The following PDE4B variants were observed in gnomAD, a reference collection of about 807,000 sequenced individuals.
The protein encoded by PDE4B is 3',5'-cyclic-AMP phosphodiesterase 4B.
PDE4B carries 20 observed loss-of-function variants against 82.2 expected under a neutral mutation model. That is an observed-to-expected ratio of 0.24 (90% confidence interval 0.17 to 0.35). The LOEUF (loss-of-function observed/expected upper bound fraction) is 0.35. Among genes scored for constraint, PDE4B ranks in the 10% least tolerant of loss-of-function variants. The pLI is 1.00. For synonymous variants in PDE4B, 320 were observed against 318.9 expected (o/e 1.00, Z -0.04); for missense variants, 655 against 907.2 (o/e 0.72, Z 3.57).
intron 7 of PDE4B, among the ~76,000 whole-genome samples, chr1:66,319,557 T>C (rs1027145374): frequency 2.6e-5 from 4 of 152,216 alleles, no homozygotes; most frequent in African/African-American, 9.6e-5. Context: ...TTCTTAAAGA[T>C]TGTATTGTAT....
intron 3 of PDE4B, among the ~76,000 whole-genome samples, chr1:66,202,135 G>C (rs1018628947): frequency 4.6e-5 from 7 of 152,166 alleles, no homozygotes; most frequent in African/African-American, 1.4e-4. Flanking sequence ...AGGTTGTTCA[G>C]TTTCCATGTA....
At chr1:66,224,182 A>G (rs1041039310) in intron 3 of PDE4B, among the ~76,000 whole-genome samples, 1 of 152,020 alleles carries the variant, frequency 6.6e-6, no homozygotes, top group African/African-American at 2.4e-5. Context: ...TTTCTACTCC[A>G]TTACGACTTC....
chr1:66,002,171 C>T (rs988865792), intron 3 of PDE4B, among the ~76,000 whole-genome samples: 4 of 151,838 alleles, frequency 2.6e-5, no homozygotes, highest in African/African-American at 7.2e-5. Context: ...TTTAAATTTT[C>T]GTCATTCTAA....
chr1:65,984,813 C>T lies in PDE4B; in HGVS notation c.281+65978C>T, dbSNP rs568584847. Among the ~76,000 whole-genome samples the T allele has an allele frequency of 4.6e-5, 7 of 152,182 alleles. No individual in the cohort carries two copies. The South Asian group carries it at 1.5e-3, about 32-fold the overall frequency. On this transcript the variant is annotated intron_variant, in intron 3 of 16. Coordinates refer to ENST00000341517, the MANE Select transcript of PDE4B (RefSeq NM_002600.4). ...TTATCTTTAAAAGTCTTTGCTAAAA[C>T]TCTCAGCATGCTTACATATCAAATG... is the stretch of plus-strand genomic sequence containing the variant.
intron 1 of PDE4B, among the ~76,000 whole-genome samples, chr1:65,838,085 G>T (rs947174587): frequency 6.6e-6 from 1 of 152,094 alleles, no homozygotes; most frequent in Non-Finnish European, 1.5e-5. Context: ...ATAGCTAGCT[G>T]GGTAGTACAC....
chr1:66,319,029 C>T (rs999160416), intron 7 of PDE4B, among the ~76,000 whole-genome samples: 2 of 152,174 alleles, frequency 1.3e-5, no homozygotes, highest in Admixed American at 1.3e-4. Context: ...AATCAGTAAA[C>T]TTGAAAGCGC....
At chr1:66,102,706 G>T (rs1303316303) in intron 3 of PDE4B, among the ~76,000 whole-genome samples, 1 of 151,990 alleles carries the variant, frequency 6.6e-6, no homozygotes, top group Non-Finnish European at 1.5e-5. Context: ...TAAGGGATCT[G>T]CAAGATCCTT....
chr1:66,093,591 A>G (rs1315995643), intron 3 of PDE4B, among the ~76,000 whole-genome samples: 3 of 152,086 alleles, frequency 2.0e-5, no homozygotes, highest in Non-Finnish European at 4.4e-5. Flanking sequence ...AGAGAGGAAG[A>G]TATTTATCCC....
rs116312841 is a variant in PDE4B, at chr1:66,368,794, G to A, written c.1670G>A (p.Arg557His). 7 of 1,525,276 alleles carry A rather than the reference G, an allele frequency of 4.6e-6. No individual in the cohort carries two copies. Among genetic ancestry groups the A allele is most frequent in the South Asian group, 2.6e-5 (2 of 78,030 alleles). The allele number at this position is 1,525,276 out of a possible 1,614,324, so 94.5% of individuals were successfully genotyped here. A position where few individuals can be genotyped will look rare whatever the true frequency, so the allele number is the denominator to read the frequency against. The change falls in exon 16 of 17, where the codon CGC becomes CAC. Residue 557 changes from arginine to histidine, a missense_variant. By Grantham distance (29) the Arg-to-His change is conservative. Around this residue, in one of 3 missense-constraint regions of PDE4B, gnomAD observed 283 missense variants for 516.4 expected, o/e 0.55. Transcript: ENST00000341517. Reference protein sequence around the residue: ...DNYTDRIQVLRNMVHCADLSN... With the variant: ...DNYTDRIQVLHNMVHCADLSN... ...AAAACTTGATGATTTCAGGTCCTTC[G>A]CAACATGGTACACTGTGCAGACCTG...
chr1:66,055,376 TAG>T (rs1655242953), intron 3 of PDE4B, among the ~76,000 whole-genome samples: 1 of 152,260 alleles, frequency 6.6e-6, no homozygotes, highest in African/African-American at 2.4e-5. Context: ...ACTTACCATG[TAG>T]AGTTGTTGTA....
intron 3 of PDE4B, among the ~76,000 whole-genome samples, chr1:65,942,686 A>C (rs971591988): frequency 2.0e-5 from 3 of 151,814 alleles, no homozygotes; most frequent in African/African-American, 7.2e-5. Context: ...CCTCTTCAAC[A>C]CTTATCTTTC....
At chr1:65,995,383 AT>A (rs1557484365) in intron 3 of PDE4B, among the ~76,000 whole-genome samples, 1 of 152,188 alleles carries the variant, frequency 6.6e-6, no homozygotes, top group Non-Finnish European at 1.5e-5. Context: ...TATCTTACAT[AT>A]TTTTATGACT....
chr1:66,027,975 G>A (rs573620113), intron 3 of PDE4B, among the ~76,000 whole-genome samples: 1 of 152,188 alleles, frequency 6.6e-6, no homozygotes, highest in African/African-American at 2.4e-5. Context: ...TACCATTCTA[G>A]TGTCTGGAGG....
intron 1 of PDE4B, among the ~76,000 whole-genome samples, chr1:65,797,132 T>A (rs984977865): frequency 2.0e-5 from 3 of 151,772 alleles, no homozygotes; most frequent in African/African-American, 7.3e-5. Flanking sequence ...TTTTTGTATT[T>A]TTTAGTAGAG....
chr1:66,178,595 TC>T (rs1273818926), intron 3 of PDE4B, among the ~76,000 whole-genome samples: 1 of 152,238 alleles, frequency 6.6e-6, no homozygotes, highest in East Asian at 1.9e-4. Context: ...GATATTTATT[TC>T]CCAATTTATC....
chr1:66,024,901 A>G (rs1570012540), intron 3 of PDE4B, among the ~76,000 whole-genome samples: 1 of 152,034 alleles, frequency 6.6e-6, no homozygotes, highest in Non-Finnish European at 1.5e-5. Context: ...ATATTTATAT[A>G]TTTATTTTCA....
intron 7 of PDE4B, among the ~76,000 whole-genome samples, chr1:66,278,265 T>A (rs530398115): frequency 7.9e-5 from 12 of 152,340 alleles, no homozygotes; most frequent in African/African-American, 2.6e-4. Flanking sequence ...GGGTATATTC[T>A]GATAAGGAGG....
chr1:65,904,259 G>A (rs373756789), intron 1 of PDE4B, among the ~76,000 whole-genome samples: 1 of 152,088 alleles, frequency 6.6e-6, no homozygotes. Context: ...TAGAGACATA[G>A]CACTTGTGAA....
At chr1:66,098,952 C>A (rs1401916946) in intron 3 of PDE4B, among the ~76,000 whole-genome samples, 3 of 152,132 alleles carry the variant, frequency 2.0e-5, no homozygotes. Flanking sequence ...TCCATCACTT[C>A]CTACTACTAA....
Sources: allele counts gnomAD v4.1 joint callset (sites outside exome capture counted in the v4.1 genomes callset), GRCh38; gene constraint gnomAD v4.1.1; regional missense constraint gnomAD v4.1.1; transcripts MANE v1.5; gene names NCBI Gene and HGNC (gene_info 2026-07-23, HGNC 2026-07-21).